The following ERBB4 variants were observed in gnomAD, a reference collection of about 807,000 sequenced individuals.
The protein encoded by ERBB4 is receptor tyrosine-protein kinase erbB-4.
ERBB4 carries 42 observed loss-of-function variants against 158.0 expected under a neutral mutation model. The observed-to-expected ratio is 0.27, with a 90% CI of 0.21 to 0.34. ERBB4 has a LOEUF of 0.34. Ranked by LOEUF, ERBB4 falls within the 10% of genes least tolerant of loss-of-function variation. ERBB4 has a pLI of 1.00. For synonymous variants in ERBB4, 583 were observed against 558.7 expected, an observed-to-expected ratio of 1.04 and a Z score of -0.61; for missense variants, 1,333 against 1,624.1, an observed-to-expected ratio of 0.82 and a Z score of 3.08.
At chr2:212,197,108 A>T (rs773852092) in intron 1 of ERBB4, among the ~76,000 whole-genome samples, 1 of 152,174 alleles carries the variant, frequency 6.6e-6, no homozygotes, top group Non-Finnish European at 1.5e-5. Context: ...GGGAAGAGAC[A>T]AATTTGAGAA....
At chr2:212,476,627 G>A (rs1192880928) in intron 1 of ERBB4, among the ~76,000 whole-genome samples, 3 of 152,090 alleles carry the variant, frequency 2.0e-5, no homozygotes, top group Admixed American at 6.6e-5. Flanking sequence ...CCCTGAAGAC[G>A]CTATTGAGCA....
chr2:212,118,158 G>C (rs566339960), intron 2 of ERBB4, among the ~76,000 whole-genome samples: 6 of 152,124 alleles, frequency 3.9e-5, no homozygotes, highest in African/African-American at 1.4e-4. Context: ...ATTGCCAGAG[G>C]ACAATGAAAA....
In ERBB4 at chr2:211,814,643, A is replaced by C. The variant is rs142735603; in HGVS notation, c.422-26484T>G. On this transcript the variant is annotated intron_variant, in intron 3 of 27. Transcript: ENST00000342788. ...ACAGATAAAAAGTCACTACCAAAAAAAAAAGTAAATTTACAAAGAAAAGGG... is the reference window on the plus strand; with the variant it reads ...ACAGATAAAAAGTCACTACCAAAAACAAAAGTAAATTTACAAAGAAAAGGG... 9.4e-3 allele frequency among the ~76,000 whole-genome samples: 1,431 copies of C among 152,288 alleles called. 24 individuals carry two copies. Among genetic ancestry groups the C allele is most frequent in the African/African-American group, 0.033 (1,352 of 41,558 alleles).
At chr2:212,303,068 C>G (rs779462494) in intron 1 of ERBB4, among the ~76,000 whole-genome samples, 12 of 149,822 alleles carry the variant, frequency 8.0e-5, no homozygotes, top group Non-Finnish European at 1.2e-4. Context: ...TTATTATTTT[C>G]TTAGGTGGAG....
chr2:212,057,841 A>T (rs1031764137), intron 2 of ERBB4, among the ~76,000 whole-genome samples: 5 of 152,230 alleles, frequency 3.3e-5, no homozygotes, highest in Non-Finnish European at 7.3e-5. Flanking sequence ...AAGATCTAAA[A>T]TTGACACCCT....
rs558888865 is a variant in ERBB4 at position 212,264,637 on chromosome 2, C to A, written c.83-139734G>T. Among the ~76,000 whole-genome samples, 149 of 151,970 alleles carry A rather than the reference C, an allele frequency of 9.8e-4. 1 individual carries two copies. Among genetic ancestry groups the A allele is most frequent in the Non-Finnish European group, 2.1e-4 (14 of 67,964 alleles). On this transcript the variant is annotated intron_variant, in intron 1 of 27. Coordinates refer to ENST00000342788, the MANE Select transcript of ERBB4 (RefSeq NM_005235.3). Reference sequence around the variant, plus strand: ...CATGATTACATTAAGGATGTTATTTCAATTAAAATGATTTTAAATTATTAA... The same window carrying A: ...CATGATTACATTAAGGATGTTATTTAAATTAAAATGATTTTAAATTATTAA...
chr2:211,914,541 G>C (rs1317698183), intron 3 of ERBB4, among the ~76,000 whole-genome samples: 1 of 152,072 alleles, frequency 6.6e-6, no homozygotes, highest in African/African-American at 2.4e-5. Flanking sequence ...TCCAGAGATG[G>C]AGATAAATCA....
At chr2:211,438,675 G>A (rs1256943652) in intron 20 of ERBB4, among the ~76,000 whole-genome samples, 1 of 152,082 alleles carries the variant, frequency 6.6e-6, no homozygotes, top group East Asian at 1.9e-4. Context: ...TGGTTACTCA[G>A]CACTGTTAGG....
chr2:211,861,750 C>G (rs983888325), intron 3 of ERBB4, among the ~76,000 whole-genome samples: 4 of 151,980 alleles, frequency 2.6e-5, no homozygotes, highest in Admixed American at 2.0e-4. Context: ...AGGCTTGGAA[C>G]AACAAGGAAG....
At chr2:212,490,544 GAC>G (rs1308158642) in intron 1 of ERBB4, among the ~76,000 whole-genome samples, 10 of 151,624 alleles carry the variant, frequency 6.6e-5, no homozygotes, top group Admixed American at 1.3e-4. Context: ...ACTATTTAAT[GAC>G]AGTTTGAGAA....
chr2:212,345,227 C>A (rs1174548583), intron 1 of ERBB4, among the ~76,000 whole-genome samples: 2 of 122,116 alleles, frequency 1.6e-5, no homozygotes, highest in Non-Finnish European at 3.3e-5. Context: ...GATTGTGCCA[C>A]TGCCCTCCAG....
chr2:212,473,700 A>T (rs755989208), intron 1 of ERBB4, among the ~76,000 whole-genome samples: 4 of 152,082 alleles, frequency 2.6e-5, no homozygotes, highest in Non-Finnish European at 4.4e-5. Flanking sequence ...GAATAAAACT[A>T]TCTTATTAAT....
chr2:211,913,606 A>T (rs114347865), intron 3 of ERBB4, among the ~76,000 whole-genome samples: 21,951 of 135,706 alleles, frequency 0.16, 2,035 homozygotes, highest in African/African-American at 0.27. Context: ...ATTTCAAAAA[A>T]ATATATATAT....
chr2:212,107,776 G>T (rs935913041), intron 2 of ERBB4, among the ~76,000 whole-genome samples: 1 of 152,122 alleles, frequency 6.6e-6, no homozygotes, highest in Non-Finnish European at 1.5e-5. Context: ...TTCCTGTGCT[G>T]TTCTCGTGAT....
chr2:211,383,183 T>G lies in ERBB4; in HGVS notation c.*432A>C. 2 of 241,190 alleles carry G rather than the reference T, an allele frequency of 8.3e-6. No homozygotes were observed. The highest frequency in any genetic ancestry group is 1.2e-4 in the East Asian group (2 of 16,852). The allele number at this position is 241,190 out of a possible 1,614,324, so 14.9% of individuals were successfully genotyped here. On this transcript the variant is annotated 3_prime_UTR_variant, in exon 28 of 28. Transcript: ENST00000342788. ...TTATGATTTCCAGGGATGCTAAATA[T>G]GCACACATCAGTTCCTGCAGATAGG...
At chr2:211,840,801 T>C (rs2077453323) in intron 3 of ERBB4, among the ~76,000 whole-genome samples, 1 of 152,132 alleles carries the variant, frequency 6.6e-6, no homozygotes, top group Non-Finnish European at 1.5e-5. Context: ...GTGCTTGAAA[T>C]ATTATCTAAT....
intron 3 of ERBB4, among the ~76,000 whole-genome samples, chr2:211,876,983 A>G (rs1340077174): frequency 1.3e-5 from 2 of 152,146 alleles, no homozygotes; most frequent in Non-Finnish European, 2.9e-5. Context: ...TTAACTACTG[A>G]AAAGCCTACT....
intron 3 of ERBB4, among the ~76,000 whole-genome samples, chr2:211,846,592 A>G (rs13022395): frequency 0.22 from 32,982 of 151,996 alleles, 3,709 homozygotes; most frequent in South Asian, 0.32. Context: ...TTTATAAATG[A>G]CCAGATAATT....
intron 1 of ERBB4, among the ~76,000 whole-genome samples, chr2:212,152,791 G>T (rs2080912669): frequency 6.6e-6 from 1 of 152,162 alleles, no homozygotes; most frequent in African/African-American, 2.4e-5. Flanking sequence ...CTCCACTTGT[G>T]CTTCCTCATT....
Sources: gnomAD v4.1 joint callset for allele counts (sites outside exome capture counted in the v4.1 genomes callset) on GRCh38, gnomAD v4.1.1 for gene constraint, MANE v1.5 for transcripts, NCBI Gene and HGNC (gene_info 2026-07-23, HGNC 2026-07-21) for gene names.